SOAT1: variants seen among roughly 807,000 people sequenced by gnomAD.
SOAT1 encodes acyl-coenzyme A:cholesterol acyltransferase 1.
SOAT1 carries 55 observed loss-of-function variants against 69.5 expected under a neutral mutation model. The ratio of observed to expected loss-of-function variants is 0.79; its 90% CI spans 0.64 to 0.99. SOAT1 has a LOEUF of 0.99. SOAT1 is among the 50% of genes least tolerant of loss of function. The pLI is 0.00. For synonymous variants in SOAT1, 231 were observed against 224.7 expected (o/e 1.03, Z -0.25); for missense variants, 580 against 669.3 (o/e 0.87, Z 1.47).
At chr1:179,306,634 C>T (rs1174160330) in intron 2 of SOAT1, among the ~76,000 whole-genome samples, 1 of 151,926 alleles carries the variant, frequency 6.6e-6, no homozygotes, top group Admixed American at 6.6e-5. Context: ...AGATCAAGAC[C>T]ATCCTGGCTA....
intron 3 of SOAT1, among the ~76,000 whole-genome samples, chr1:179,334,520 A>G (rs989396552): frequency 6.6e-6 from 1 of 152,200 alleles, no homozygotes; most frequent in African/African-American, 2.4e-5. Flanking sequence ...GTTGGCAAGC[A>G]GAAATGAGTA....
In SOAT1 at chr1:179,350,352, T is replaced by C; in HGVS notation, c.1371T>C (p.Ala457=). The part of the protein sequence containing the change: ...AAMLAVFAVS[A]VVHEYALAVC... ...TGTTAGCTGTCTTTGCTGTATCTGC[T>C]GTAGTACACGAATATGCCTTGGCTG... The change falls in exon 14 of 16, where the codon GCT becomes GCC. Residue 457 remains alanine (A), a synonymous_variant. Transcript: ENST00000367619. 6.2e-7 allele frequency: 1 copy of C among 1,614,074 alleles called. No homozygotes were observed. Among genetic ancestry groups the C allele is most frequent in the Non-Finnish European group, 8.5e-7 (1 of 1,179,932 alleles).
At chr1:179,342,230 TC>T in intron 8 of SOAT1, 38 bp downstream of exon 8, 1 of 1,171,694 alleles carries the variant, frequency 8.5e-7, no homozygotes, top group South Asian at 1.3e-5. Flanking sequence ...CTTCCTCCCC[TC>T]CCCTCCTCTC....
chr1:179,345,043 C>G lies in SOAT1; in HGVS notation c.1084C>G (p.Leu362Val), dbSNP rs765422379. 6.2e-7 allele frequency: 1 copy of G among 1,614,098 alleles called. No homozygotes were observed. The highest frequency in any genetic ancestry group is 8.5e-7 in the Non-Finnish European group (1 of 1,179,958). The change falls in exon 11 of 16, where the codon CTG becomes GTG. Residue 362 changes from leucine (L) to valine (V), a missense_variant. Physicochemically the swap from Leu to Val is conservative, Grantham distance 32. Coordinates refer to ENST00000367619, the MANE Select transcript of SOAT1 (RefSeq NM_003101.6). Reference sequence around the variant, plus strand: ...ACAGGAGCCCTTCAGCGCTCGTGTTCTGGTCCTATGTGTATTTAACTCCAT... The same window carrying G: ...ACAGGAGCCCTTCAGCGCTCGTGTTGTGGTCCTATGTGTATTTAACTCCAT... Reference protein sequence around the residue: ...IKQEPFSARVLVLCVFNSILP... With the variant: ...IKQEPFSARVVVLCVFNSILP...
In SOAT1 at chr1:179,338,973, ATTG is replaced by A. The variant is rs1202779048; in HGVS notation, c.390-462_390-460del. ...TTATTTAGGAAAAGTCATCTATATT[ATTG>A]TTATATTCTAAAAGAAAATTAGACC... is the stretch of plus-strand genomic sequence containing the variant. On this transcript the variant is annotated intron_variant, in intron 5 of 15. Transcript: ENST00000367619. 3.3e-5 allele frequency among the ~76,000 whole-genome samples: 5 copies of A among 152,116 alleles called. No individual in the cohort carries two copies. In the East Asian group the frequency reaches 9.6e-4, roughly 29 times the overall value.
intron 11 of SOAT1, among the ~76,000 whole-genome samples, chr1:179,346,769 C>G (rs1371042605): frequency 6.6e-6 from 1 of 152,174 alleles, no homozygotes; most frequent in Non-Finnish European, 1.5e-5. Flanking sequence ...GCACCACTCC[C>G]TCTCCTCCAA....
chr1:179,331,276 T>A (rs1665963354), intron 3 of SOAT1, among the ~76,000 whole-genome samples: 2 of 152,238 alleles, frequency 1.3e-5, no homozygotes, highest in South Asian at 4.1e-4. Context: ...TGCCCTCGAA[T>A]GTTTAGCAGT....
intron 2 of SOAT1, among the ~76,000 whole-genome samples, chr1:179,316,718 G>C (rs186034281): frequency 1.8e-4 from 28 of 152,214 alleles, no homozygotes; most frequent in Admixed American, 1.6e-3. Context: ...ATCCTGCTTG[G>C]AATTCTTTGA....
At chr1:179,353,055 AT>A (rs1666786272) in intron 15 of SOAT1, among the ~76,000 whole-genome samples, 1 of 145,282 alleles carries the variant, frequency 6.9e-6, no homozygotes, top group African/African-American at 2.5e-5. Flanking sequence ...TGTATTAGTC[AT>A]TTTTATATAT....
At chr1:179,304,955 T>C (rs1324076112) in intron 2 of SOAT1, among the ~76,000 whole-genome samples, 1 of 152,248 alleles carries the variant, frequency 6.6e-6, no homozygotes, top group Non-Finnish European at 1.5e-5. Context: ...CCATTCCTTT[T>C]AATTTTTTAG....
Position 179,347,585 on chromosome 1 carries a change from T to G in SOAT1, c.1118-15T>G, listed in dbSNP as rs553478341. 1 of 1,513,742 alleles carries G rather than the reference T, an allele frequency of 6.6e-7. No homozygotes were observed. Among genetic ancestry groups the G allele is most frequent in the African/African-American group, 1.4e-5 (1 of 72,852 alleles). The allele number at this position is 1,513,742 out of a possible 1,614,324, so 93.8% of individuals were successfully genotyped here. ...TATTTGGAAAGACTGTTAATATTGT[T>G]AATCTTATTTTTAGGTGTGCTGATT... On this transcript the variant is annotated splice_polypyrimidine_tract_variant and intron_variant, in intron 11 of 15. Coordinates refer to ENST00000367619, the MANE Select transcript of SOAT1 (RefSeq NM_003101.6).
At chr1:179,337,399 A>T (rs919167076) in intron 4 of SOAT1, among the ~76,000 whole-genome samples, 1 of 152,174 alleles carries the variant, frequency 6.6e-6, no homozygotes, top group Admixed American at 6.5e-5. Flanking sequence ...CAGAGGACAG[A>T]TCAGTAACAG....
chr1:179,341,364 AATG>A (rs1297375612), intron 7 of SOAT1, 54 bp downstream of exon 7: 2 of 1,498,316 alleles, frequency 1.3e-6, no homozygotes, highest in Non-Finnish European at 1.8e-6. Flanking sequence ...AAATAATAAT[AATG>A]ATGATGACAT....
In SOAT1 at chr1:179,321,269, G is replaced by T. The variant is rs1051147968; in HGVS notation, c.119-2168G>T. ...TGCAATCATTTCTGGTTGAGGAATG[G>T]CATTTTTTTTTATTCTTGGCACGTT... On this transcript the variant is annotated intron_variant, in intron 2 of 15. Coordinates refer to ENST00000367619, the MANE Select transcript of SOAT1 (RefSeq NM_003101.6). Among the ~76,000 whole-genome samples, 22 of 152,116 alleles carry T rather than the reference G, an allele frequency of 1.4e-4. 1 individual carries two copies. The highest frequency in any genetic ancestry group is 7.2e-4 in the Admixed American group (11 of 15,270).
At chr1:179,337,111 G>A (rs576951479) in intron 4 of SOAT1, among the ~76,000 whole-genome samples, 30 of 152,280 alleles carry the variant, frequency 2.0e-4, no homozygotes, top group Admixed American at 1.5e-3. Context: ...GAATAATCGA[G>A]TGAAGGCTAT....
chr1:179,335,015 C>CAAAAAAAAAAAAAAAAAAAAAAAAAAA (rs10603546), intron 3 of SOAT1, among the ~76,000 whole-genome samples: 1 of 73,562 alleles, frequency 1.4e-5, no homozygotes, highest in African/African-American at 5.6e-5. Context: ...AACTCCATCT[C>CAAAAAAAAAAAAAAAAAAAAAAAAAAA]AAAAAAAAAA....
At chr1:179,347,364 G>GA (rs57499931) in intron 11 of SOAT1, among the ~76,000 whole-genome samples, 58 of 140,180 alleles carry the variant, frequency 4.1e-4, no homozygotes, top group Non-Finnish European at 4.8e-4. Flanking sequence ...TCTCAAAAAA[G>GA]AAAAAAAAAA....
chr1:179,308,127 C>A (rs942190344), intron 2 of SOAT1, among the ~76,000 whole-genome samples: 1 of 152,138 alleles, frequency 6.6e-6, no homozygotes, highest in Non-Finnish European at 1.5e-5. Context: ...GCTGTCCACT[C>A]TTCTGTCCCA....
chr1:179,346,858 C>T (rs1666549333), intron 11 of SOAT1, among the ~76,000 whole-genome samples: 1 of 151,720 alleles, frequency 6.6e-6, no homozygotes, highest in South Asian at 2.1e-4. Flanking sequence ...TCACTTGAGC[C>T]CCAGGAGTTG....
Sources: gnomAD v4.1 joint callset for allele counts (sites outside exome capture counted in the v4.1 genomes callset) on GRCh38, gnomAD v4.1.1 for gene constraint, MANE v1.5 for transcripts, NCBI Gene and HGNC (gene_info 2026-07-23, HGNC 2026-07-21) for gene names.